TCF12: variants seen among roughly 807,000 people sequenced by gnomAD.
TCF12 encodes transcription factor 12.
Under a neutral mutation model 86.0 loss-of-function variants are expected in TCF12, and 45 were observed. The observed-to-expected ratio is 0.52, with a 90% confidence interval of 0.41 to 0.67. TCF12 has a LOEUF of 0.67. TCF12 is among the 30% of genes least tolerant of loss of function. TCF12 has a pLI of 0.00. For missense variants in TCF12, 881 were observed against 859.9 expected (o/e 1.02, Z -0.31); for synonymous variants, 330 against 299.6 (o/e 1.10, Z -1.05).
chr15:57,251,157 C>G (rs2060099068), intron 13 of TCF12, 193 bp from the exon 14 acceptor site: 1 of 450,212 alleles, frequency 2.2e-6, no homozygotes, highest in Non-Finnish European at 4.0e-6. Context: ...TCTCAGCACC[C>G]CATTTTTTTT....
Position 57,192,310 on chromosome 15 carries a change from A to T in TCF12, c.526+17A>T, listed in dbSNP as rs770473011. On this transcript the variant is annotated intron_variant, in intron 7 of 20. Transcript: ENST00000333725. ...CAGCGCTTGGTGAGTGTATCACACAACAAATCCCATCCCACATATGTTGTT... is the reference window on the plus strand; with the variant it reads ...CAGCGCTTGGTGAGTGTATCACACATCAAATCCCATCCCACATATGTTGTT... 8.1e-6 allele frequency: 13 copies of T among 1,612,460 alleles called. No individual in the cohort carries two copies. The Admixed American group carries it at 2.0e-4, about 25-fold the overall frequency.
At chr15:57,248,147 A>G in intron 13 of TCF12, 1 of 701,194 alleles carries the variant, frequency 1.4e-6, no homozygotes, top group East Asian at 2.7e-5. Context: ...CTTTTCCAGA[A>G]GCCTCTTAAA....
intron 3 of TCF12, among the ~76,000 whole-genome samples, chr15:56,984,433 A>G (rs1776403957): frequency 6.6e-6 from 1 of 152,088 alleles, no homozygotes; most frequent in South Asian, 2.1e-4. Context: ...TTGCACTTTC[A>G]CAGCTGTGTT....
intron 4 of TCF12, among the ~76,000 whole-genome samples, chr15:57,084,983 C>A (rs1461642021): frequency 6.6e-6 from 1 of 151,962 alleles, no homozygotes; most frequent in East Asian, 1.9e-4. Context: ...AAAATACTTG[C>A]CCTTGTGCTA....
intron 3 of TCF12, among the ~76,000 whole-genome samples, chr15:56,951,529 C>T (rs1436978259): frequency 6.6e-6 from 1 of 152,092 alleles, no homozygotes; most frequent in Non-Finnish European, 1.5e-5. Context: ...TTTTGAGGAG[C>T]AGAAGTTTCT....
At chr15:57,051,864 G>A (rs772849222) in intron 3 of TCF12, among the ~76,000 whole-genome samples, 3 of 152,096 alleles carry the variant, frequency 2.0e-5, no homozygotes, top group African/African-American at 4.8e-5. Flanking sequence ...GCATGTGGAC[G>A]TCCAGTTTTC....
At chr15:57,228,011 A>AG (rs1257755873) in intron 8 of TCF12, among the ~76,000 whole-genome samples, 1 of 152,060 alleles carries the variant, frequency 6.6e-6, no homozygotes, top group African/African-American at 2.4e-5. Flanking sequence ...ATCATTAACT[A>AG]GGGGAAAAAA....
chr15:57,113,816 C>T (rs981627746), intron 5 of TCF12, among the ~76,000 whole-genome samples: 6 of 149,004 alleles, frequency 4.0e-5, no homozygotes, highest in South Asian at 2.1e-4. Flanking sequence ...CTAGGCGGGT[C>T]GTGGTGGCAT....
intron 3 of TCF12, among the ~76,000 whole-genome samples, chr15:56,979,399 G>T (rs1195184010): frequency 6.6e-6 from 1 of 151,954 alleles, no homozygotes; most frequent in Non-Finnish European, 1.5e-5. Flanking sequence ...ATTTAATTTA[G>T]TCTATACCTT....
At chr15:57,281,973 T>G (rs1177970981) in intron 19 of TCF12, among the ~76,000 whole-genome samples, 1 of 151,148 alleles carries the variant, frequency 6.6e-6, no homozygotes, top group East Asian at 2.0e-4. Flanking sequence ...GCCAAAAAGG[T>G]TGGGGACCAC....
At chr15:56,919,381 G>T (rs1051731863) in intron 1 of TCF12, 2 of 152,500 alleles carry the variant, frequency 1.3e-5, no homozygotes, top group Admixed American at 1.3e-4. Context: ...GGCCCGCCGG[G>T]GACGTCCGGG....
intron 3 of TCF12, among the ~76,000 whole-genome samples, chr15:57,059,375 G>C (rs1438974582): frequency 6.6e-6 from 1 of 152,090 alleles, no homozygotes; most frequent in African/African-American, 2.4e-5. Context: ...TACTGCTTTT[G>C]CTGCAGGGAC....
At chr15:57,206,288 C>T (rs1251154451) in intron 8 of TCF12, among the ~76,000 whole-genome samples, 1 of 152,012 alleles carries the variant, frequency 6.6e-6, no homozygotes, top group Non-Finnish European at 1.5e-5. Flanking sequence ...AGATCACTAG[C>T]TCAGAAGTTT....
At chr15:57,065,068 C>T (rs2951895) in intron 4 of TCF12, among the ~76,000 whole-genome samples, 85,188 of 151,870 alleles carry the variant, frequency 0.56, 24,127 homozygotes, top group Admixed American at 0.61. Flanking sequence ...ACTGTTATAT[C>T]TGGCTGTAGC....
intron 5 of TCF12, among the ~76,000 whole-genome samples, chr15:57,129,469 C>G (rs1354783981): frequency 6.6e-6 from 1 of 152,122 alleles, no homozygotes; most frequent in Non-Finnish European, 1.5e-5. Context: ...GAAGGATCAC[C>G]TGAGCCTGGG....
At chr15:57,072,285 G>A (rs1388543754) in intron 4 of TCF12, among the ~76,000 whole-genome samples, 6 of 152,190 alleles carry the variant, frequency 3.9e-5, no homozygotes, top group African/African-American at 1.4e-4. Flanking sequence ...CCACAAAATG[G>A]TAACTCCTGA....
At chr15:56,977,498 C>G (rs1230650795) in intron 3 of TCF12, among the ~76,000 whole-genome samples, 2 of 152,050 alleles carry the variant, frequency 1.3e-5, no homozygotes, top group African/African-American at 2.4e-5. Context: ...CCACTGCCCT[C>G]CACTCTGAAC....
intron 3 of TCF12, among the ~76,000 whole-genome samples, chr15:57,048,338 T>C (rs905749704): frequency 1.3e-5 from 2 of 152,182 alleles, no homozygotes; most frequent in Non-Finnish European, 2.9e-5. Flanking sequence ...CTCGGCTCAC[T>C]GTAAGCTCCG....
At chr15:57,096,828 T>C (rs1219402096) in intron 5 of TCF12, among the ~76,000 whole-genome samples, 1 of 152,216 alleles carries the variant, frequency 6.6e-6, no homozygotes, top group Non-Finnish European at 1.5e-5. Context: ...GCATGTTAAC[T>C]CATTTAACAG....
Sources: allele counts gnomAD v4.1 joint callset (sites outside exome capture counted in the v4.1 genomes callset), GRCh38; gene constraint gnomAD v4.1.1; transcripts MANE v1.5; gene names NCBI Gene and HGNC (gene_info 2026-07-23, HGNC 2026-07-21).